The following GRAMD2A variants were observed in gnomAD, a reference collection of about 807,000 sequenced individuals.
GRAMD2A encodes GRAM domain-containing protein 2A.
Under a neutral mutation model 51.1 loss-of-function variants are expected in GRAMD2A, and 37 were observed. That is an observed-to-expected ratio of 0.72 (90% CI 0.56 to 0.95). The LOEUF (loss-of-function observed/expected upper bound fraction) is 0.95. Among genes scored for constraint, GRAMD2A ranks in the 40% least tolerant of loss-of-function variants. The pLI is 0.00. For synonymous variants in GRAMD2A, 136 were observed against 157.1 expected (o/e 0.87, Z 1.01); for missense variants, 414 against 426.9 (o/e 0.97, Z 0.27).
Position 72,168,511 on chromosome 15 carries a change from A to G in GRAMD2A, c.248T>C (p.Leu83Ser), listed in dbSNP as rs371764096. Residue 83 changes from leucine (L) to serine (S), a missense_variant, in exon 4 of 12, where the codon TTG becomes TCG. By Grantham distance (145) the Leu-to-Ser change is moderately radical. Coordinates refer to ENST00000309731, the MANE Select transcript of GRAMD2A (RefSeq NM_001012642.3). ...CTCACCTTTGAGAACCACTTCCTCC[A>G]AGGGAACATCCTTAAACAGCTTGTG... ...QYHKLFKDVP[L>S]EEVVLKVCSC... 5.0e-6 allele frequency: 8 copies of G among 1,613,742 alleles called. No individual in the cohort carries two copies. The East Asian group carries it at 8.9e-5, about 18-fold the overall frequency.
Position 72,161,380 on chromosome 15 carries a change from G to A in GRAMD2A, c.*629C>T, listed in dbSNP as rs147418513. ...AGCCACCTCATGAGGGGCCGGCACA[G>A]AGCCCTGGCCCAGAGCATGGAAATT... On this transcript the variant is annotated 3_prime_UTR_variant, in exon 12 of 12. Coordinates refer to ENST00000309731, the MANE Select transcript of GRAMD2A (RefSeq NM_001012642.3). 4 of 153,244 alleles carry A rather than the reference G, an allele frequency of 2.6e-5. 1 individual carries two copies. The East Asian group carries it at 7.7e-4, about 30-fold the overall frequency. The allele number at this position is 153,244 out of a possible 1,614,324, so 9.5% of individuals were successfully genotyped here.
intron 2 of GRAMD2A, 150 bp from the exon 3 acceptor site, chr15:72,169,146 G>T: frequency 1.4e-6 from 1 of 695,388 alleles, no homozygotes; most frequent in Non-Finnish European, 2.6e-6. Flanking sequence ...AAAATGACAA[G>T]TACAGCGAGC....
At chr15:72,183,457 G>T (rs2081712431) in intron 1 of GRAMD2A, among the ~76,000 whole-genome samples, 1 of 152,064 alleles carries the variant, frequency 6.6e-6, no homozygotes, top group Non-Finnish European at 1.5e-5. Context: ...GGAGCTTGCA[G>T]TGAGCTGAGA....
intron 1 of GRAMD2A, chr15:72,176,149 CT>C (rs937853847): frequency 4.4e-4 from 67 of 152,412 alleles, no homozygotes; most frequent in African/African-American, 1.6e-3. Context: ...GGCTGGGCCC[CT>C]CCTGTCTCCA....
At position 72,168,580 on chromosome 15, in the gene GRAMD2A, G is replaced by A; in HGVS notation, c.193-14C>T. 6.2e-7 allele frequency: 1 copy of A among 1,610,956 alleles called. No individual in the cohort carries two copies. The stretch of plus-strand genomic sequence containing the variant: ...ATTCAGTGTTATCTGCAAACACACA[G>A]GCTGCGTCTGAGAAGCGCTGGGAGA... On this transcript the variant is annotated splice_polypyrimidine_tract_variant and intron_variant, in intron 3 of 11. Coordinates refer to ENST00000309731, the MANE Select transcript of GRAMD2A (RefSeq NM_001012642.3).
intron 7 of GRAMD2A, 65 bp from the exon 8 acceptor site, chr15:72,165,475 G>A (rs959898157): frequency 6.8e-7 from 1 of 1,471,156 alleles, no homozygotes; most frequent in East Asian, 2.3e-5. Flanking sequence ...GCAGGGGGAA[G>A]CATCAGCCCT....
At position 72,166,851 on chromosome 15, in the gene GRAMD2A, G is replaced by A; in HGVS notation, c.471+143C>T. 1 of 936,316 alleles carries A rather than the reference G, an allele frequency of 1.1e-6. No individual in the cohort carries two copies. Among genetic ancestry groups the A allele is most frequent in the Non-Finnish European group, 1.7e-6 (1 of 585,228 alleles). 58.0% of individuals were successfully genotyped at this position (936,316 alleles called of 1,614,324 possible). ...GCTCTGCCTAGGAACTTCTCTTCCA[G>A]CTTGTTGTACGGCCTGAAATACCTA... On this transcript the variant is annotated intron_variant, in intron 6 of 11. Transcript: ENST00000309731. The surrounding 1 kb of genome is among the most constrained non-coding windows in gnomAD (Gnocchi z 4.1).
At position 72,182,631 on chromosome 15, in the gene GRAMD2A, C is replaced by T. The variant is rs1218202634; in HGVS notation, c.42-12692G>A. The stretch of plus-strand genomic sequence containing the variant: ...CATCTGTCTGATAAGGATTTAGTAT[C>T]CCAAATATATAGAGAACCCTTATAA... On this transcript the variant is annotated intron_variant, in intron 1 of 11. Transcript: ENST00000309731. Among the ~76,000 whole-genome samples, 3 of 152,166 alleles carry T rather than the reference C, an allele frequency of 2.0e-5. No individual in the cohort carries two copies. The East Asian group carries it at 5.8e-4, about 29-fold the overall frequency.
chr15:72,180,403 G>A (rs936794844), intron 1 of GRAMD2A, among the ~76,000 whole-genome samples: 4 of 152,224 alleles, frequency 2.6e-5, no homozygotes, highest in Non-Finnish European at 5.9e-5. Flanking sequence ...AAACAGACTT[G>A]CATTCATTAA....
chr15:72,173,490 ACT>A (rs1484731469), intron 1 of GRAMD2A: 1 of 151,888 alleles, frequency 6.6e-6, no homozygotes, highest in Admixed American at 6.6e-5. Flanking sequence ...GGGCTCACAG[ACT>A]CTGCCTGGTC....
chr15:72,162,526 C>G, intron 10 of GRAMD2A, 149 bp from the exon 11 acceptor site: 2 of 609,900 alleles, frequency 3.3e-6, no homozygotes, highest in Non-Finnish European at 5.8e-6. Flanking sequence ...GCCTCAGCAT[C>G]TTTCTTCCCA....
chr15:72,168,542 G>A lies in GRAMD2A; in HGVS notation c.217C>T (p.Gln73Ter), dbSNP rs762882903. Residue 73 changes from glutamine to a stop codon, truncating the protein, a stop_gained, in exon 4 of 12, where the codon CAA (glutamine) becomes TAA (stop). Coordinates refer to ENST00000309731, the MANE Select transcript of GRAMD2A (RefSeq NM_001012642.3). LOFTEE classifies it high-confidence loss of function. ...EGITLNKYNQQYHKLFKDVPL... is the reference protein window; with the variant it reads ...EGITLNKYNQ ...ACATCCTTAAACAGCTTGTGGTATTGCTGGTTGTATTTATTCAGTGTTATC... is the reference window on the plus strand; with the variant it reads ...ACATCCTTAAACAGCTTGTGGTATTACTGGTTGTATTTATTCAGTGTTATC... 1.9e-6 allele frequency: 3 copies of A among 1,613,788 alleles called. No homozygotes were observed. The East Asian group carries it at 6.7e-5, about 36-fold the overall frequency.
chr15:72,166,876 A>G lies in GRAMD2A; in HGVS notation c.471+118T>C. On this transcript the variant is annotated intron_variant, in intron 6 of 11. Coordinates refer to ENST00000309731, the MANE Select transcript of GRAMD2A (RefSeq NM_001012642.3). The surrounding 1 kb of genome is among the most constrained non-coding windows in gnomAD (Gnocchi z 4.1). ...GCTTGTTGTACGGCCTGAAATACCT[A>G]CTGGAGAGCTGCAGGGTGGGGTGAA... The G allele has an allele frequency of 4.3e-6, 4 of 937,278 alleles. No individual in the cohort carries two copies. Among genetic ancestry groups the G allele is most frequent in the East Asian group, 4.9e-5 (2 of 40,524 alleles). The allele number at this position is 937,278 out of a possible 1,614,324, so 58.1% of individuals were successfully genotyped here.
At chr15:72,181,500 T>G (rs1443020174) in intron 1 of GRAMD2A, among the ~76,000 whole-genome samples, 2 of 152,134 alleles carry the variant, frequency 1.3e-5, no homozygotes, top group Non-Finnish European at 2.9e-5. Context: ...TGGAGAGAGA[T>G]CAGGTGAAAG....
At chr15:72,197,269 GAGAGGAAACAGTCTGGCCC>G (rs2081813785) in intron 1 of GRAMD2A, among the ~76,000 whole-genome samples, 2 of 152,338 alleles carry the variant, frequency 1.3e-5, no homozygotes, top group Admixed American at 1.3e-4. Flanking sequence ...ATTCGGCGGC[GAGAGGAAACAGTCTGGCCC>G]TCCAGGGGAC....
intron 1 of GRAMD2A, among the ~76,000 whole-genome samples, chr15:72,186,156 C>T (rs1276868573): frequency 2.0e-5 from 3 of 152,024 alleles, no homozygotes; most frequent in African/African-American, 4.8e-5. Flanking sequence ...ATCTATCTTA[C>T]CTATTTTATC....
intron 4 of GRAMD2A, among the ~76,000 whole-genome samples, chr15:72,168,201 C>T (rs1193489021): frequency 1.3e-5 from 2 of 152,196 alleles, no homozygotes; most frequent in Non-Finnish European, 2.9e-5. Context: ...GTGCAAATGC[C>T]CCCACCTGCT....
intron 1 of GRAMD2A, chr15:72,175,726 G>C (rs573317844): frequency 1.3e-5 from 2 of 152,392 alleles, no homozygotes; most frequent in South Asian, 4.1e-4. Context: ...GAGTGTGCTT[G>C]TCTGTTTACA....
At chr15:72,182,225 C>T (rs780002906) in intron 1 of GRAMD2A, among the ~76,000 whole-genome samples, 11 of 151,770 alleles carry the variant, frequency 7.2e-5, no homozygotes, top group Non-Finnish European at 1.3e-4. Context: ...ATCAGCTGGG[C>T]GTGGTGGCGC....
Sources: gnomAD v4.1 joint callset for allele counts (sites outside exome capture counted in the v4.1 genomes callset) on GRCh38, gnomAD v4.1.1 for gene constraint, Gnocchi (gnomAD v3.1) non-coding constraint, MANE v1.5 for transcripts, NCBI Gene and HGNC (gene_info 2026-07-23, HGNC 2026-07-21) for gene names.